TENM2: variants seen among roughly 807,000 people sequenced by gnomAD.
TENM2 encodes teneurin-2.
A neutral mutation model predicts 245.2 loss-of-function variants in TENM2; 52 were observed. The observed-to-expected ratio is 0.21, with a 90% CI of 0.17 to 0.27. The LOEUF is 0.27. Ranked by LOEUF, TENM2 falls within the 10% of genes least tolerant of loss-of-function variation. The pLI, the probability that TENM2 is intolerant of heterozygous loss-of-function variation, is 1.00. For synonymous variants in TENM2, 1,363 were observed against 1,438.9 expected, an observed-to-expected ratio of 0.95 and a Z score of 1.19; for missense variants, 3,046 against 3,666.8, an observed-to-expected ratio of 0.83 and a Z score of 4.37.
chr5:167,760,101 CTTAT>C (rs1373940606), intron 2 of TENM2, among the ~76,000 whole-genome samples: 6 of 152,144 alleles, frequency 3.9e-5, no homozygotes, highest in African/African-American at 7.2e-5. Flanking sequence ...TCTGAACTGA[CTTAT>C]TTAAGTGGAA....
chr5:167,697,937 C>T (rs1318895148), intron 2 of TENM2, among the ~76,000 whole-genome samples: 1 of 152,170 alleles, frequency 6.6e-6, no homozygotes, highest in Non-Finnish European at 1.5e-5. Context: ...AATAAGTCAT[C>T]GGGAACTTGA....
At chr5:168,144,000 C>A (rs1337191445) in intron 12 of TENM2, among the ~76,000 whole-genome samples, 1 of 141,750 alleles carries the variant, frequency 7.1e-6, no homozygotes, top group Admixed American at 7.3e-5. Context: ...CAGGCATGCA[C>A]CACCATGCCC....
chr5:167,315,139 A>T (rs867579186), intron 1 of TENM2, among the ~76,000 whole-genome samples: 1 of 152,118 alleles, frequency 6.6e-6, no homozygotes, highest in African/African-American at 2.4e-5. Context: ...AGATTACTAG[A>T]TCAAAAAGTA....
the TENM2 span, among the ~76,000 whole-genome samples, chr5:167,118,140 T>G: frequency 6.6e-6 from 1 of 152,256 alleles, no homozygotes; most frequent in Admixed American, 6.5e-5. Context: ...TTCATAGTAT[T>G]CTTCCAGTTT....
chr5:167,265,280 C>T, the TENM2 span, among the ~76,000 whole-genome samples: 5 of 137,672 alleles, frequency 3.6e-5, no homozygotes, highest in African/African-American at 8.4e-5. Context: ...TTCAGTAAGC[C>T]GAGATCATGC....
intron 9 of TENM2, among the ~76,000 whole-genome samples, chr5:168,104,824 T>C (rs1363859345): frequency 6.6e-6 from 1 of 152,208 alleles, no homozygotes; most frequent in Non-Finnish European, 1.5e-5. Context: ...TAACATGGAA[T>C]GGATCTAACA....
intron 25 of TENM2, among the ~76,000 whole-genome samples, chr5:168,243,935 T>TG (rs1231288175): frequency 2.0e-5 from 3 of 148,126 alleles, no homozygotes; most frequent in Non-Finnish European, 4.5e-5. Context: ...TTCTTTTCTT[T>TG]GGTTTTTTTT....
At chr5:167,781,273 T>C (rs948837029) in intron 2 of TENM2, among the ~76,000 whole-genome samples, 2 of 152,210 alleles carry the variant, frequency 1.3e-5, no homozygotes, top group African/African-American at 4.8e-5. Flanking sequence ...ATTGCAACAC[T>C]GCACTCCAGC....
intron 19 of TENM2, among the ~76,000 whole-genome samples, chr5:168,205,440 T>G (rs1387534518): frequency 6.6e-6 from 1 of 152,042 alleles, no homozygotes; most frequent in Non-Finnish European, 1.5e-5. Context: ...GTATCCTTAA[T>G]TGCTTTAGGG....
intron 2 of TENM2, among the ~76,000 whole-genome samples, chr5:167,719,984 T>C (rs2150513969): frequency 6.6e-6 from 1 of 151,462 alleles, no homozygotes; most frequent in African/African-American, 2.4e-5. Flanking sequence ...ACATTTTCTG[T>C]GGGTTAAAAA....
At chr5:167,646,885 G>C (rs939263596) in intron 2 of TENM2, among the ~76,000 whole-genome samples, 3 of 152,200 alleles carry the variant, frequency 2.0e-5, no homozygotes, top group Non-Finnish European at 2.9e-5. Flanking sequence ...TTTTCTGAAA[G>C]TTTGGGTCAA....
the TENM2 span, among the ~76,000 whole-genome samples, chr5:167,059,146 A>G: frequency 6.6e-6 from 1 of 152,222 alleles, no homozygotes; most frequent in African/African-American, 2.4e-5. Context: ...ATGAATCAGA[A>G]AAGGTAACAC....
intron 2 of TENM2, among the ~76,000 whole-genome samples, chr5:167,769,686 A>G (rs1763273586): frequency 6.6e-6 from 1 of 152,064 alleles, no homozygotes; most frequent in South Asian, 2.1e-4. Flanking sequence ...TTTTTTTTCT[A>G]TACTATGTCT....
At chr5:167,744,643 A>T (rs1354817313) in intron 2 of TENM2, among the ~76,000 whole-genome samples, 1 of 151,972 alleles carries the variant, frequency 6.6e-6, no homozygotes, top group Non-Finnish European at 1.5e-5. Flanking sequence ...CGTTCCTTCC[A>T]CCTATTAATA....
chr5:168,249,401 G>A lies in TENM2; in HGVS notation c.7432+1030G>A, dbSNP rs185606604. ...CAAAACGCATTTATAAAGTGGCACT[G>A]TGCTAAGTTCTGGGGATTCAATGGT... On this transcript the variant is annotated intron_variant, in intron 27 of 28. Coordinates refer to ENST00000518659, the Ensembl canonical transcript of TENM2. Among the ~76,000 whole-genome samples the A allele has an allele frequency of 1.2e-4, 18 of 152,164 alleles. No homozygotes were observed. The East Asian group carries it at 2.9e-3, about 25-fold the overall frequency.
chr5:168,146,372 A>C (rs1171380365), intron 12 of TENM2, among the ~76,000 whole-genome samples: 1 of 152,162 alleles, frequency 6.6e-6, no homozygotes, highest in African/African-American at 2.4e-5. Context: ...ACCTGGTAGA[A>C]GAGATGATAG....
chr5:168,129,627 G>T (rs904668109), intron 12 of TENM2: 1 of 152,176 alleles, frequency 6.6e-6, no homozygotes, highest in South Asian at 2.1e-4. Flanking sequence ...AGTGAGATTT[G>T]CCATTCAAAA....
At chr5:167,056,669 C>T in the TENM2 span, among the ~76,000 whole-genome samples, 62,193 of 127,374 alleles carry the variant, frequency 0.49, 14,297 homozygotes, top group African/African-American at 0.62. Context: ...ATATATGTGC[C>T]ATATATATAT....
chr5:167,172,624 C>CTTTT, the TENM2 span, among the ~76,000 whole-genome samples: 2 of 139,844 alleles, frequency 1.4e-5, no homozygotes, highest in African/African-American at 2.6e-5. Flanking sequence ...TCATTTTCAT[C>CTTTT]TTTTTTTTTT....
Sources: gnomAD v4.1 joint callset for allele counts (sites outside exome capture counted in the v4.1 genomes callset) on GRCh38, gnomAD v4.1.1 for gene constraint, MANE v1.5 for transcripts, NCBI Gene and HGNC (gene_info 2026-07-23, HGNC 2026-07-21) for gene names.